ST7L: variants seen among roughly 807,000 people sequenced by gnomAD.
The protein encoded by ST7L is suppression of tumorigenicity 7 like.
A neutral mutation model predicts 72.5 loss-of-function variants in ST7L; 57 were observed. The ratio of observed to expected loss-of-function variants is 0.79; its 90% confidence interval spans 0.64 to 0.98. The LOEUF (loss-of-function observed/expected upper bound fraction) is 0.98, where lower values mean the gene tolerates loss of function less well. Among genes scored for constraint, ST7L ranks in the 50% least tolerant of loss-of-function variants. The pLI, the probability that ST7L is intolerant of heterozygous loss-of-function variation, is 0.00. For synonymous variants in ST7L, 221 were observed against 240.9 expected (o/e 0.92, Z 0.77); for missense variants, 576 against 672.2 (o/e 0.86, Z 1.58).
In ST7L at chr1:112,525,662, C is replaced by T. The variant is rs187097124; in HGVS notation, c.*351G>A. ...GCTCACTTCCATTCTATGAGTATAT[C>T]GATGGAGCAGCTGGACATTAGAGTT... On this transcript the variant is annotated 3_prime_UTR_variant, in exon 15 of 15. Transcript: ENST00000358039. 4.9e-5 allele frequency: 9 copies of T among 185,438 alleles called. No homozygotes were observed. The highest frequency in any genetic ancestry group is 1.4e-4 in the South Asian group (1 of 7,212). The allele number at this position is 185,438 out of a possible 1,614,324, so 11.5% of individuals were successfully genotyped here.
chr1:112,603,455 AG>A (rs1452528106), intron 3 of ST7L, among the ~76,000 whole-genome samples: 13 of 152,230 alleles, frequency 8.5e-5, no homozygotes, highest in African/African-American at 2.9e-4. Flanking sequence ...TATCAAAAAA[AG>A]GTATCCACAA....
chr1:112,610,823 C>A lies in ST7L; in HGVS notation c.451+18G>T. On this transcript the variant is annotated intron_variant, in intron 3 of 14. Coordinates refer to ENST00000358039, the MANE Select transcript of ST7L (RefSeq NM_017744.5). ...TCTTAAATACACAGCTCTGAAAACA[C>A]ATTAGAAAAGTAGTCACCTGACAAA... The A allele has an allele frequency of 1.2e-6, 2 of 1,612,378 alleles. No homozygotes were observed. The highest frequency in any genetic ancestry group is 8.5e-7 in the Non-Finnish European group (1 of 1,179,222).
rs1303409961 is a variant in ST7L at position 112,600,695 on chromosome 1, A to T, written c.506+99T>A. On this transcript the variant is annotated intron_variant, in intron 4 of 14. Coordinates refer to ENST00000358039, the MANE Select transcript of ST7L (RefSeq NM_017744.5). ...ACTTTATCATAGACCAGTATCTTCT[A>T]CTAGAAGAGCTGCGATATATTTATA... 8.9e-6 allele frequency: 9 copies of T among 1,006,018 alleles called. No individual in the cohort carries two copies. In the Admixed American group the frequency reaches 9.1e-5, roughly 10 times the overall value. The allele number at this position is 1,006,018 out of a possible 1,614,324, so 62.3% of individuals were successfully genotyped here. A position where few individuals can be genotyped will look rare whatever the true frequency, so the allele number is the denominator to read the frequency against.
At chr1:112,549,376 G>GT (rs1480094996) in intron 13 of ST7L, among the ~76,000 whole-genome samples, 1 of 152,138 alleles carries the variant, frequency 6.6e-6, no homozygotes, top group East Asian at 1.9e-4. Flanking sequence ...CTGGGTGAGA[G>GT]TGAGAATTGG....
intron 12 of ST7L, 80 bp downstream of exon 12, chr1:112,555,788 C>A: frequency 7.8e-7 from 1 of 1,289,700 alleles, no homozygotes; most frequent in South Asian, 2.4e-5. Flanking sequence ...GAAACCCAGA[C>A]AATCTCATTT....
At chr1:112,592,412 T>C (rs1375403840) in intron 5 of ST7L, among the ~76,000 whole-genome samples, 1 of 152,148 alleles carries the variant, frequency 6.6e-6, no homozygotes, top group Non-Finnish European at 1.5e-5. Flanking sequence ...AAACAAAATA[T>C]TAGTCTCAGC....
In ST7L at chr1:112,590,744, A is replaced by C. The variant is rs1665569330; in HGVS notation, c.701+781T>G. 2.0e-5 allele frequency among the ~76,000 whole-genome samples: 3 copies of C among 152,220 alleles called. No individual in the cohort carries two copies. The South Asian group carries it at 6.2e-4, about 31-fold the overall frequency. On this transcript the variant is annotated intron_variant, in intron 6 of 14. Coordinates refer to ENST00000358039, the MANE Select transcript of ST7L (RefSeq NM_017744.5). ...AAATATAAAGTTCAAACAAAGAACT[A>C]TAAAAAAATGCTGCTAACATGGAAA...
At chr1:112,603,291 A>G (rs1667713984) in intron 3 of ST7L, among the ~76,000 whole-genome samples, 1 of 152,248 alleles carries the variant, frequency 6.6e-6, no homozygotes, top group South Asian at 2.1e-4. Flanking sequence ...TTTTCCAAAC[A>G]ACCAATGTAT....
intron 3 of ST7L, among the ~76,000 whole-genome samples, chr1:112,602,542 A>G (rs1667573906): frequency 6.6e-6 from 1 of 152,146 alleles, no homozygotes; most frequent in African/African-American, 2.4e-5. Context: ...TCCTTACAGT[A>G]AAAATAAGGC....
chr1:112,520,732 C>T (rs955083584), downstream of ST7L: 16 of 586,700 alleles, frequency 2.7e-5, no homozygotes, highest in African/African-American at 9.3e-5. Flanking sequence ...CCTGATTTCC[C>T]GCTCTGGAGA....
At chr1:112,609,478 C>G (rs1208669690) in intron 3 of ST7L, among the ~76,000 whole-genome samples, 1 of 150,450 alleles carries the variant, frequency 6.6e-6, no homozygotes, top group Non-Finnish European at 1.5e-5. Context: ...TCGCAGTGAG[C>G]TGAGATTGCA....
At chr1:112,542,627 T>C (rs1008853902) in intron 13 of ST7L, among the ~76,000 whole-genome samples, 1 of 152,012 alleles carries the variant, frequency 6.6e-6, no homozygotes, top group African/African-American at 2.4e-5. Flanking sequence ...TGGTGGTGTG[T>C]GCCTGTAGGT....
chr1:112,618,015 A>C, intron 1 of ST7L: 1 of 1,304,024 alleles, frequency 7.7e-7, no homozygotes, highest in Non-Finnish European at 1.0e-6. Context: ...ACAGTCTTTC[A>C]TGTCATCTCT....
chr1:112,560,649 T>G (rs994996178), intron 11 of ST7L, among the ~76,000 whole-genome samples: 4 of 152,052 alleles, frequency 2.6e-5, no homozygotes, highest in Non-Finnish European at 4.4e-5. Context: ...CCTAGCATAT[T>G]ACACTAAAAG....
intron 11 of ST7L, among the ~76,000 whole-genome samples, chr1:112,563,143 T>G (rs918551896): frequency 1.3e-5 from 2 of 151,680 alleles, no homozygotes; most frequent in Admixed American, 1.3e-4. Flanking sequence ...GTACAGGTAA[T>G]GAAGGCAAAC....
intron 14 of ST7L, among the ~76,000 whole-genome samples, chr1:112,530,374 T>C (rs562029027): frequency 6.6e-6 from 1 of 152,310 alleles, no homozygotes; most frequent in South Asian, 2.1e-4. Context: ...TATTTACTGA[T>C]TACATGCCTA....
chr1:112,529,521 G>T (rs1437398415), intron 14 of ST7L: 1 of 151,996 alleles, frequency 6.6e-6, no homozygotes, highest in Admixed American at 6.6e-5. Context: ...TTACATTTCT[G>T]AATGGAAAGG....
intron 6 of ST7L, among the ~76,000 whole-genome samples, chr1:112,584,763 C>T (rs1387427522): frequency 6.6e-6 from 1 of 152,198 alleles, no homozygotes; most frequent in African/African-American, 2.4e-5. Flanking sequence ...GCTGGGATTA[C>T]AGGCGTGAGC....
chr1:112,598,782 A>C (rs1450067955), intron 4 of ST7L, among the ~76,000 whole-genome samples: 1 of 151,370 alleles, frequency 6.6e-6, no homozygotes, highest in Non-Finnish European at 1.5e-5. Context: ...GGCCAGGCAC[A>C]GTGGCTCACG....
Sources: gnomAD v4.1 joint callset for allele counts (sites outside exome capture counted in the v4.1 genomes callset) on GRCh38, gnomAD v4.1.1 for gene constraint, MANE v1.5 for transcripts, NCBI Gene and HGNC (gene_info 2026-07-23, HGNC 2026-07-21) for gene names.